The following SPECC1L variants were observed in gnomAD, a reference collection of about 807,000 sequenced individuals.
The protein encoded by SPECC1L is sperm antigen with calponin homology and coiled-coil domains 1 like.
In SPECC1L, 40 loss-of-function variants were observed where a neutral mutation model predicts 116.8. The observed-to-expected ratio is 0.34, with a 90% CI of 0.27 to 0.45. The LOEUF is 0.45. Among genes scored for constraint, SPECC1L ranks in the 20% least tolerant of loss-of-function variants. The probability of loss-of-function intolerance (pLI) is 1.00; values close to 1 mark genes in which losing one functional copy is unlikely to be tolerated. For missense variants in SPECC1L, 1,110 were observed against 1,373.6 expected, an observed-to-expected ratio of 0.81 and a Z score of 3.03; for synonymous variants, 504 against 500.6, an observed-to-expected ratio of 1.01 and a Z score of -0.09.
chr22:24,349,561 A>T (rs1044837353), intron 11 of SPECC1L, among the ~76,000 whole-genome samples: 5 of 152,180 alleles, frequency 3.3e-5, no homozygotes, highest in East Asian at 1.9e-4. Flanking sequence ...TCCCATTTTG[A>T]TATTGAATAT....
intron 14 of SPECC1L, among the ~76,000 whole-genome samples, chr22:24,378,698 C>G (rs1288731637): frequency 6.6e-6 from 1 of 152,124 alleles, no homozygotes; most frequent in African/African-American, 2.4e-5. Context: ...GGGAGAGAGA[C>G]AGAATGGCTA....
intron 2 of SPECC1L, among the ~76,000 whole-genome samples, chr22:24,287,808 A>G (rs1487152192): frequency 6.6e-6 from 1 of 152,174 alleles, no homozygotes; most frequent in Non-Finnish European, 1.5e-5. Context: ...CCGCTGGAAT[A>G]TAATGGGCCC....
chr22:24,357,551 T>G (rs1462973154), intron 11 of SPECC1L, among the ~76,000 whole-genome samples: 3 of 152,214 alleles, frequency 2.0e-5, no homozygotes, highest in Non-Finnish European at 2.9e-5. Flanking sequence ...ATTTTACAAT[T>G]CTTTATTGAA....
intron 14 of SPECC1L, among the ~76,000 whole-genome samples, chr22:24,386,706 C>T (rs1004935736): frequency 1.3e-5 from 2 of 152,074 alleles, no homozygotes; most frequent in Non-Finnish European, 2.9e-5. Context: ...CAGGTTCACA[C>T]CATTCTCCTG....
intron 14 of SPECC1L, among the ~76,000 whole-genome samples, chr22:24,407,677 C>G (rs1306904028): frequency 6.6e-6 from 1 of 152,214 alleles, no homozygotes; most frequent in Non-Finnish European, 1.5e-5. Flanking sequence ...TGCAAGGATG[C>G]CTCTTTCATC....
At chr22:24,300,314 CCTT>C (rs1332067634) in intron 2 of SPECC1L, among the ~76,000 whole-genome samples, 1 of 152,192 alleles carries the variant, frequency 6.6e-6, no homozygotes, top group Non-Finnish European at 1.5e-5. Flanking sequence ...TGATCTCATT[CCTT>C]CTTATGGCTG....
chr22:24,339,929 C>T (rs1311950324), intron 10 of SPECC1L, among the ~76,000 whole-genome samples: 1 of 151,958 alleles, frequency 6.6e-6, no homozygotes, highest in Admixed American at 6.6e-5. Flanking sequence ...GGACCACAGG[C>T]GTGCACCACC....
At chr22:24,308,375 T>C (rs1322938583) in intron 3 of SPECC1L, among the ~76,000 whole-genome samples, 1 of 152,230 alleles carries the variant, frequency 6.6e-6, no homozygotes, top group African/African-American at 2.4e-5. Context: ...ACTCTGTCTT[T>C]TATCACCTTG....
chr22:24,317,379 A>G (rs2040606619), intron 4 of SPECC1L, among the ~76,000 whole-genome samples: 1 of 98,666 alleles, frequency 1.0e-5, no homozygotes, highest in African/African-American at 3.6e-5. Flanking sequence ...ACTTCCCAGT[A>G]GGGGCGGCCG....
chr22:24,327,397 G>C (rs1477888078), intron 6 of SPECC1L, among the ~76,000 whole-genome samples: 4 of 150,980 alleles, frequency 2.6e-5, no homozygotes, highest in South Asian at 2.1e-4. Flanking sequence ...TAAAGAAGAT[G>C]ATGAGCCATC....
At chr22:24,322,977 G>A (rs2040750636) in intron 5 of SPECC1L, 59 bp downstream of exon 5, 2 of 1,596,944 alleles carry the variant, frequency 1.3e-6, no homozygotes, top group Non-Finnish European at 1.7e-6. Flanking sequence ...CATGCACAGT[G>A]TTTACTGAGA....
At chr22:24,282,255 C>T (rs1272224240) in intron 2 of SPECC1L, among the ~76,000 whole-genome samples, 8 of 152,242 alleles carry the variant, frequency 5.3e-5, no homozygotes, top group Non-Finnish European at 1.0e-4. Flanking sequence ...AGCTGCGTGA[C>T]TCCTAAACCA....
intron 7 of SPECC1L, 107 bp from the exon 8 acceptor site, chr22:24,330,149 G>A (rs1601564226): frequency 9.2e-7 from 1 of 1,088,444 alleles, no homozygotes; most frequent in East Asian, 2.4e-5. Flanking sequence ...ATCATCATTT[G>A]GAAGCATTAG....
intron 14 of SPECC1L, among the ~76,000 whole-genome samples, chr22:24,401,630 C>T (rs2042475788): frequency 6.6e-6 from 1 of 152,196 alleles, no homozygotes; most frequent in Admixed American, 6.5e-5. Context: ...CACTCAGGTT[C>T]ACGAGTGGTT....
At chr22:24,290,775 A>G (rs1311159441) in intron 2 of SPECC1L, among the ~76,000 whole-genome samples, 1 of 152,234 alleles carries the variant, frequency 6.6e-6, no homozygotes, top group African/African-American at 2.4e-5. Flanking sequence ...TGTACATAAA[A>G]TGCACCTTTC....
intron 3 of SPECC1L, among the ~76,000 whole-genome samples, chr22:24,312,096 A>G (rs572246304): frequency 3.3e-5 from 5 of 152,200 alleles, no homozygotes; most frequent in African/African-American, 7.2e-5. Flanking sequence ...AACCTTCCCA[A>G]TAACTAGGAC....
At chr22:24,351,186 G>A (rs1191518549) in intron 11 of SPECC1L, among the ~76,000 whole-genome samples, 1 of 152,168 alleles carries the variant, frequency 6.6e-6, no homozygotes, top group Non-Finnish European at 1.5e-5. Context: ...GCTTACCTGA[G>A]TCACTTGTTA....
intron 10 of SPECC1L, among the ~76,000 whole-genome samples, chr22:24,344,564 G>A (rs963601410): frequency 1.4e-5 from 2 of 147,210 alleles, no homozygotes; most frequent in African/African-American, 2.5e-5. Flanking sequence ...TTTTGCTGGA[G>A]CTCTTACCCT....
At position 24,302,297 on chromosome 22, in the gene SPECC1L, A is replaced by G. The variant is rs767641161; in HGVS notation, c.66A>G (p.Thr22=). 1.9e-6 allele frequency: 3 copies of G among 1,614,204 alleles called. No individual in the cohort carries two copies. In the South Asian group the frequency reaches 3.3e-5, roughly 18 times the overall value. Residue 22 remains threonine, a synonymous_variant, in exon 3 of 17, where the codon ACA becomes ACG. Coordinates refer to ENST00000314328, the MANE Select transcript of SPECC1L (RefSeq NM_015330.6). ...TGTCTGCAATAAGTAAAACGCAAAC[A>G]GCAGAAAAAATTAAACCTGAAAACA... ...PKVSAISKTQ[T]AEKIKPENSS...
Sources: gnomAD v4.1 joint callset for allele counts (sites outside exome capture counted in the v4.1 genomes callset) on GRCh38, gnomAD v4.1.1 for gene constraint, MANE v1.5 for transcripts, NCBI Gene and HGNC (gene_info 2026-07-23, HGNC 2026-07-21) for gene names.